Variants in TBPL1 observed in about 807,000 individuals in gnomAD.
The protein encoded by TBPL1 is TATA-box binding protein like 1, also known as TATA box-binding protein-like 1.
A neutral mutation model predicts 22.1 loss-of-function variants in TBPL1; 4 were observed. The observed-to-expected ratio is 0.18, with a 90% CI of 0.09 to 0.41. The LOEUF (loss-of-function observed/expected upper bound fraction) is 0.41, where lower values mean the gene tolerates loss of function less well. Among genes scored for constraint, TBPL1 ranks in the 10% least tolerant of loss-of-function variants. The probability of loss-of-function intolerance (pLI) is 1.00; values close to 1 mark genes in which losing one functional copy is unlikely to be tolerated. For missense variants in TBPL1, 115 were observed against 222.3 expected (o/e 0.52, Z 3.07); for synonymous variants, 64 against 71.0 (o/e 0.90, Z 0.50).
chr6:133,964,536 C>T (rs1370286745), intron 1 of TBPL1, among the ~76,000 whole-genome samples: 14 of 150,828 alleles, frequency 9.3e-5, no homozygotes, highest in African/African-American at 1.2e-4. Flanking sequence ...CTGCAAGCTC[C>T]GTCTCCCGGG....
intron 2 of TBPL1, among the ~76,000 whole-genome samples, chr6:133,981,999 C>T (rs1278480802): frequency 6.6e-6 from 1 of 152,138 alleles, no homozygotes; most frequent in East Asian, 1.9e-4. Flanking sequence ...ATGTAATAAG[C>T]ATCTCAACTC....
At chr6:133,978,527 C>T (rs1023091957) in intron 1 of TBPL1, among the ~76,000 whole-genome samples, 1 of 152,162 alleles carries the variant, frequency 6.6e-6, no homozygotes, top group Non-Finnish European at 1.5e-5. Context: ...ATATATCTAT[C>T]CATCAGTTCC....
chr6:133,985,223 G>A (rs756320538), intron 6 of TBPL1, among the ~76,000 whole-genome samples: 28 of 142,368 alleles, frequency 2.0e-4, no homozygotes, highest in East Asian at 4.2e-4. Flanking sequence ...AGGTTGCAGC[G>A]AGCTGAGATC....
chr6:133,978,906 A>G (rs1029969716), intron 1 of TBPL1, among the ~76,000 whole-genome samples: 1 of 152,170 alleles, frequency 6.6e-6, no homozygotes, highest in Non-Finnish European at 1.5e-5. Flanking sequence ...AAAAACAACT[A>G]TAGTATGTTT....
intron 1 of TBPL1, among the ~76,000 whole-genome samples, chr6:133,972,906 A>G (rs1168860746): frequency 1.3e-5 from 2 of 152,186 alleles, no homozygotes; most frequent in South Asian, 2.1e-4. Flanking sequence ...ATTATCACCA[A>G]TTTATAGATG....
At chr6:133,972,199 A>C (rs973180826) in intron 1 of TBPL1, among the ~76,000 whole-genome samples, 4 of 152,200 alleles carry the variant, frequency 2.6e-5, no homozygotes, top group Non-Finnish European at 5.9e-5. Context: ...TTGAGTCTAC[A>C]TCTCTAAAAA....
intron 1 of TBPL1, among the ~76,000 whole-genome samples, chr6:133,972,552 C>T (rs1776241853): frequency 1.3e-5 from 2 of 152,202 alleles, no homozygotes; most frequent in Non-Finnish European, 2.9e-5. Context: ...CACAACTACT[C>T]AGTTGTGCTG....
intron 1 of TBPL1, among the ~76,000 whole-genome samples, chr6:133,963,933 C>T (rs1215897992): frequency 2.6e-5 from 4 of 150,946 alleles, no homozygotes; most frequent in African/African-American, 7.3e-5. Flanking sequence ...CGCAGCTACT[C>T]GGGAGGCTGA....
At chr6:133,963,766 C>T (rs1013564516) in intron 1 of TBPL1, among the ~76,000 whole-genome samples, 4 of 151,576 alleles carry the variant, frequency 2.6e-5, no homozygotes, top group Admixed American at 2.6e-4. Flanking sequence ...CGCGGTGGCT[C>T]ACGCCTGTAA....
At chr6:133,964,818 G>A (rs79036762) in intron 1 of TBPL1, among the ~76,000 whole-genome samples, 2 of 152,114 alleles carry the variant, frequency 1.3e-5, no homozygotes, top group East Asian at 3.8e-4. Flanking sequence ...TGGCATTTGT[G>A]CATGACATAG....
chr6:133,983,474 G>A lies in TBPL1; in HGVS notation c.282+594G>A, dbSNP rs568920301. On this transcript the variant is annotated intron_variant, in intron 4 of 6. Transcript: ENST00000237264. ...GATTGAGACAAGTTTGTAGAAGTGG[G>A]GATAGGAAGTTACCTTTCCCTCTGA... 1.8e-4 allele frequency among the ~76,000 whole-genome samples: 27 copies of A among 152,328 alleles called. No homozygotes were observed. The South Asian group carries it at 4.3e-3, about 25-fold the overall frequency.
Position 133,990,139 on chromosome 6 carries a change from C to G in TBPL1, c.*3099C>G, listed in dbSNP as rs1582591288. 1 of 152,644 alleles carries G rather than the reference C, an allele frequency of 6.6e-6. No homozygotes were observed. Among genetic ancestry groups the G allele is most frequent in the East Asian group, 1.9e-4 (1 of 5,200 alleles). 9.5% of individuals were successfully genotyped at this position (152,644 alleles called of 1,614,324 possible). A position where few individuals can be genotyped will look rare whatever the true frequency, so the allele number is the denominator to read the frequency against. On this transcript the variant is annotated 3_prime_UTR_variant, in exon 7 of 7. Coordinates refer to ENST00000237264, the MANE Select transcript of TBPL1 (RefSeq NM_004865.4). ...TAGAAAAGAACATGAGGGAATTGTC[C>G]TGATGTCTGAATGTCATTTATTGTG...
intron 1 of TBPL1, among the ~76,000 whole-genome samples, chr6:133,965,327 C>CAAAT (rs1776100433): frequency 6.6e-6 from 1 of 152,122 alleles, no homozygotes; most frequent in Non-Finnish European, 1.5e-5. Flanking sequence ...CTCAAGAAAA[C>CAAAT]AAATACCTTA....
chr6:133,958,616 G>C (rs1775966028), intron 1 of TBPL1, among the ~76,000 whole-genome samples: 1 of 152,162 alleles, frequency 6.6e-6, no homozygotes, highest in South Asian at 2.1e-4. Flanking sequence ...AAATGTTTTA[G>C]TTTAGTTGTG....
intron 1 of TBPL1, among the ~76,000 whole-genome samples, chr6:133,968,479 A>G (rs955362271): frequency 1.3e-5 from 2 of 152,204 alleles, no homozygotes; most frequent in Non-Finnish European, 2.9e-5. Flanking sequence ...AGTTAATATT[A>G]TTGTTAGCAT....
intron 1 of TBPL1, among the ~76,000 whole-genome samples, chr6:133,976,371 C>T (rs1333505845): frequency 6.6e-6 from 1 of 152,084 alleles, no homozygotes; most frequent in African/African-American, 2.4e-5. Flanking sequence ...ATATATAGAC[C>T]TATAAAAGAG....
At chr6:133,955,503 C>T (rs1278624575) in intron 1 of TBPL1, among the ~76,000 whole-genome samples, 1 of 152,038 alleles carries the variant, frequency 6.6e-6, no homozygotes, top group Non-Finnish European at 1.5e-5. Context: ...GTTGCATTTT[C>T]CTTCTGTACC....
intron 6 of TBPL1, 110 bp downstream of exon 6, chr6:133,984,781 C>CA (rs1776478533): frequency 1.1e-6 from 1 of 911,878 alleles, no homozygotes; most frequent in Non-Finnish European, 1.7e-6. Flanking sequence ...CACTTCTGCC[C>CA]TTTAGAGGAA....
intron 1 of TBPL1, among the ~76,000 whole-genome samples, chr6:133,977,157 C>T (rs750114674): frequency 4.6e-5 from 7 of 151,912 alleles, no homozygotes; most frequent in Non-Finnish European, 1.0e-4. Context: ...TTTCATGCTT[C>T]GAAAAATGTG....
Sources: allele counts gnomAD v4.1 joint callset (sites outside exome capture counted in the v4.1 genomes callset), GRCh38; gene constraint gnomAD v4.1.1; transcripts MANE v1.5; gene names NCBI Gene and HGNC (gene_info 2026-07-23, HGNC 2026-07-21).